The following PTPN21 variants were observed in gnomAD, a reference collection of about 807,000 sequenced individuals.
The protein encoded by PTPN21 is tyrosine-protein phosphatase non-receptor type 21.
PTPN21 carries 77 observed loss-of-function variants against 131.8 expected under a neutral mutation model. The observed-to-expected ratio is 0.58, with a 90% CI of 0.49 to 0.71. The LOEUF (loss-of-function observed/expected upper bound fraction) is 0.71. Among genes scored for constraint, PTPN21 ranks in the 30% least tolerant of loss-of-function variants. The probability of loss-of-function intolerance (pLI) is 0.00; values close to 1 mark genes in which losing one functional copy is unlikely to be tolerated. For missense variants in PTPN21, 1,552 were observed against 1,527.1 expected (o/e 1.02, Z -0.27); for synonymous variants, 715 against 621.3 (o/e 1.15, Z -2.24).
chr14:88,477,515 C>T (rs2077566144), intron 13 of PTPN21, among the ~76,000 whole-genome samples: 1 of 140,868 alleles, frequency 7.1e-6, no homozygotes, highest in Admixed American at 7.3e-5. Flanking sequence ...TAGTTTTTGT[C>T]TATGTACATT....
At chr14:88,489,257 G>A (rs376343462) in intron 10 of PTPN21, among the ~76,000 whole-genome samples, 1 of 152,306 alleles carries the variant, frequency 6.6e-6, no homozygotes, top group East Asian at 1.9e-4. Context: ...TCTAAGCCTC[G>A]TCTGAATTTT....
intron 3 of PTPN21, among the ~76,000 whole-genome samples, chr14:88,516,079 T>G (rs1362898222): frequency 7.9e-5 from 12 of 152,144 alleles, no homozygotes; most frequent in Admixed American, 7.9e-4. Flanking sequence ...CAAGGCACTG[T>G]GTAAGATATC....
At chr14:88,494,434 G>A (rs955900808) in intron 10 of PTPN21, among the ~76,000 whole-genome samples, 18 of 152,262 alleles carry the variant, frequency 1.2e-4, no homozygotes, top group African/African-American at 4.1e-4. Context: ...TTGAGAGGCC[G>A]GGGCAGGAGG....
chr14:88,522,621 T>C (rs2139324762), intron 2 of PTPN21, among the ~76,000 whole-genome samples: 1 of 152,238 alleles, frequency 6.6e-6, no homozygotes, highest in African/African-American at 2.4e-5. Context: ...CCTGCCCCAA[T>C]GTTCAAGTTC....
chr14:88,479,050 G>A lies in PTPN21; in HGVS notation c.2381C>T (p.Pro794Leu), dbSNP rs1220760303. ...GGTGAGGTCGGACTCCGACATGGAG[G>A]GCATCAGCAGCCCGTCTCTCCAGGG... Reference protein sequence around the residue: ...QRPWRDGLLMPSMSESDLTTS... With the variant: ...QRPWRDGLLMLSMSESDLTTS... The change falls in exon 13 of 19, where the codon CCC becomes CTC. Residue 794 changes from proline (P) to leucine (L), a missense_variant. Pro to Leu is a moderately conservative substitution (Grantham distance 98, BLOSUM62 -3). Around this residue, in one of 4 missense-constraint regions of PTPN21, gnomAD observed 1,016 missense variants for 883.5 expected, o/e 1.15. Transcript: ENST00000556564. 5 of 1,607,190 alleles carry A rather than the reference G, an allele frequency of 3.1e-6. No homozygotes were observed. The highest frequency in any genetic ancestry group is 2.2e-5 in the East Asian group (1 of 44,528).
intron 2 of PTPN21, among the ~76,000 whole-genome samples, chr14:88,545,821 G>A (rs1393080300): frequency 2.0e-5 from 3 of 151,888 alleles, no homozygotes; most frequent in East Asian, 1.9e-4. Context: ...TTAGCCGGGC[G>A]TGGTGGCATG....
chr14:88,511,870 T>C (rs2078189567), intron 3 of PTPN21, among the ~76,000 whole-genome samples: 1 of 152,188 alleles, frequency 6.6e-6, no homozygotes, highest in South Asian at 2.1e-4. Context: ...ATATAAAATA[T>C]TTCATACAAT....
intron 2 of PTPN21, among the ~76,000 whole-genome samples, chr14:88,526,599 T>C (rs1017043078): frequency 1.3e-5 from 2 of 149,340 alleles, no homozygotes; most frequent in Non-Finnish European, 3.0e-5. Context: ...TTATGTGAAT[T>C]TCATCTCAGT....
chr14:88,499,931 T>C (rs1157345645), intron 8 of PTPN21, among the ~76,000 whole-genome samples: 2 of 152,238 alleles, frequency 1.3e-5, no homozygotes, highest in Admixed American at 6.5e-5. Flanking sequence ...TGTACTTTCA[T>C]TGTTCAGAGT....
rs966891412 is a variant in PTPN21, at chr14:88,497,267, G to A, written c.788C>T (p.Ser263Phe). Residue 263 changes from serine (S) to phenylalanine (F), a missense_variant, in exon 9 of 19, where the codon TCC (serine) becomes TTC (phenylalanine). Ser to Phe is a radical substitution (Grantham distance 155). Transcript: ENST00000556564. ...TAATGCAAAAAAGGACTTGTTGTGGGACATGTTGGCAATGTCATGCCACCT... is the reference window on the plus strand; with the variant it reads ...TAATGCAAAAAAGGACTTGTTGTGGAACATGTTGGCAATGTCATGCCACCT... The part of the protein sequence containing the change: ...VFRWHDIANM[S>F]HNKSFFALEL... The A allele has an allele frequency of 2.5e-6, 4 of 1,613,274 alleles. No homozygotes were observed. The African/African-American group carries it at 4.0e-5, about 16-fold the overall frequency.
intron 2 of PTPN21, among the ~76,000 whole-genome samples, chr14:88,527,040 C>T (rs1295646843): frequency 1.3e-5 from 2 of 152,116 alleles, no homozygotes; most frequent in Non-Finnish European, 2.9e-5. Context: ...CACATTTTCC[C>T]TTATCCACTA....
intron 2 of PTPN21, among the ~76,000 whole-genome samples, chr14:88,518,142 C>G (rs1258522753): frequency 7.8e-6 from 1 of 127,788 alleles, no homozygotes; most frequent in African/African-American, 2.9e-5. Flanking sequence ...ACAGATAGGT[C>G]TTACCTCCTT....
rs532268528 is a variant in PTPN21, at chr14:88,468,038, G to A, written c.*99C>T. The A allele has an allele frequency of 1.2e-4, 173 of 1,441,594 alleles. No homozygotes were observed. The highest frequency in any genetic ancestry group is 4.3e-4 in the East Asian group (19 of 43,816). 89.3% of individuals were successfully genotyped at this position (1,441,594 alleles called of 1,614,324 possible). On this transcript the variant is annotated 3_prime_UTR_variant, in exon 19 of 19. Coordinates refer to ENST00000556564, the MANE Select transcript of PTPN21 (RefSeq NM_007039.4). The stretch of plus-strand genomic sequence containing the variant: ...CACTTACGTCCCAGTGCCACGCTGC[G>A]TGGATCAAGTGTCAACGGGAAAGTA...
At chr14:88,474,715 A>G (rs2077524504) in intron 13 of PTPN21, among the ~76,000 whole-genome samples, 1 of 152,192 alleles carries the variant, frequency 6.6e-6, no homozygotes, top group Admixed American at 6.5e-5. Context: ...GGAGGATAGG[A>G]CAGAAGAGAA....
chr14:88,532,781 G>A (rs2078572486), intron 2 of PTPN21, among the ~76,000 whole-genome samples: 1 of 152,036 alleles, frequency 6.6e-6, no homozygotes. Context: ...AGGAGAACAC[G>A]TACATAACAA....
intron 10 of PTPN21, among the ~76,000 whole-genome samples, chr14:88,493,556 C>T (rs7140137): frequency 0.099 from 15,056 of 152,206 alleles, 920 homozygotes; most frequent in South Asian, 0.17. Flanking sequence ...GTGAGAGGCA[C>T]ATGCTCAGAT....
chr14:88,495,399 G>A (rs945850577), intron 10 of PTPN21, among the ~76,000 whole-genome samples: 5 of 152,078 alleles, frequency 3.3e-5, no homozygotes, highest in East Asian at 3.9e-4. Context: ...GGTGGCTCAC[G>A]CCTGTAATCC....
rs547511223 is a variant in PTPN21 at position 88,534,778 on chromosome 14, G to A, written c.180+15460C>T. On this transcript the variant is annotated intron_variant, in intron 2 of 18. Coordinates refer to ENST00000556564, the MANE Select transcript of PTPN21 (RefSeq NM_007039.4). ...AATTCCAGCTACTTGGGAGGCTGAG[G>A]CTACTTGGGAGAATGCTTGAGCCTG... Among the ~76,000 whole-genome samples the A allele has an allele frequency of 2.2e-3, 335 of 152,242 alleles. 1 individual carries two copies. Among genetic ancestry groups the A allele is most frequent in the African/African-American group, 7.7e-3 (319 of 41,560 alleles).
intron 6 of PTPN21, among the ~76,000 whole-genome samples, chr14:88,502,711 G>C (rs1357890856): frequency 6.6e-6 from 1 of 152,162 alleles, no homozygotes; most frequent in Non-Finnish European, 1.5e-5. Flanking sequence ...AATTAAGCTA[G>C]AAAAGAAATG....
Sources: gnomAD v4.1 joint callset for allele counts (sites outside exome capture counted in the v4.1 genomes callset) on GRCh38, gnomAD v4.1.1 for gene constraint, gnomAD v4.1.1 regional missense constraint, MANE v1.5 for transcripts, NCBI Gene and HGNC (gene_info 2026-07-23, HGNC 2026-07-21) for gene names.